The following RIT2 variants were observed in gnomAD, a reference collection of about 807,000 sequenced individuals.
RIT2 encodes GTP-binding protein Rit2.
RIT2 carries 24 observed loss-of-function variants against 23.7 expected under a neutral mutation model. The observed-to-expected ratio is 1.01, with a 90% CI of 0.73 to 1.43. RIT2 has a LOEUF of 1.43. Ranked by LOEUF, RIT2 falls within the 40% of genes most tolerant of loss-of-function variation. RIT2 has a pLI of 0.00. For missense variants in RIT2, 236 were observed against 266.9 expected (o/e 0.88, Z 0.81); for synonymous variants, 107 against 91.1 (o/e 1.17, Z -0.99).
intron 2 of RIT2, among the ~76,000 whole-genome samples, chr18:43,007,565 T>C (rs1432265834): frequency 6.6e-6 from 1 of 151,612 alleles, no homozygotes; most frequent in Non-Finnish European, 1.5e-5. Context: ...TATTTTCATA[T>C]CAGATAAGAA....
intron 2 of RIT2, among the ~76,000 whole-genome samples, chr18:42,991,558 G>A (rs1195878852): frequency 1.3e-5 from 2 of 152,126 alleles, no homozygotes; most frequent in Admixed American, 1.3e-4. Flanking sequence ...GTACAGGGAC[G>A]AGATGGCCGG....
At chr18:42,804,912 T>C (rs964122295) in intron 4 of RIT2, among the ~76,000 whole-genome samples, 3 of 152,188 alleles carry the variant, frequency 2.0e-5, no homozygotes, top group African/African-American at 7.2e-5. Flanking sequence ...TGTGAGGCCA[T>C]TGGAAAGGGA....
chr18:43,113,204 TCA>T (rs1913993283), intron 1 of RIT2, among the ~76,000 whole-genome samples: 1 of 152,190 alleles, frequency 6.6e-6, no homozygotes. Context: ...ATCAGGTAAG[TCA>T]CAGGGGAAAG....
intron 2 of RIT2, among the ~76,000 whole-genome samples, chr18:43,002,859 G>A (rs921165899): frequency 6.6e-6 from 1 of 151,948 alleles, no homozygotes; most frequent in Non-Finnish European, 1.5e-5. Flanking sequence ...ACTCAGCATA[G>A]AGAGATTATT....
intron 4 of RIT2, among the ~76,000 whole-genome samples, chr18:42,799,072 GC>G (rs1905454377): frequency 6.6e-6 from 1 of 152,270 alleles, no homozygotes; most frequent in Admixed American, 6.5e-5. Flanking sequence ...ATTAACTTCA[GC>G]AGTTATCAGG....
At chr18:43,004,778 T>C (rs1241514068) in intron 2 of RIT2, among the ~76,000 whole-genome samples, 4 of 151,912 alleles carry the variant, frequency 2.6e-5, no homozygotes. Context: ...ATTTTCTTTC[T>C]GTAAGATTTT....
At chr18:43,075,232 A>T (rs1310848037) in intron 1 of RIT2, among the ~76,000 whole-genome samples, 1 of 152,190 alleles carries the variant, frequency 6.6e-6, no homozygotes, top group Non-Finnish European at 1.5e-5. Flanking sequence ...TGTTTAAATC[A>T]GCAGCTCTTC....
intron 1 of RIT2, among the ~76,000 whole-genome samples, chr18:43,046,118 C>CAAACCCAGA (rs1912241058): frequency 6.6e-6 from 1 of 151,992 alleles, no homozygotes; most frequent in Non-Finnish European, 1.5e-5. Context: ...AATGATGGGA[C>CAAACCCAGA]AAACCCAGAA....
chr18:42,999,041 T>C (rs1911048577), intron 2 of RIT2, among the ~76,000 whole-genome samples: 1 of 152,014 alleles, frequency 6.6e-6, no homozygotes, highest in Non-Finnish European at 1.5e-5. Context: ...TTTTTATAAC[T>C]AAAGAAGAAA....
At chr18:42,959,243 T>C (rs965044506) in intron 3 of RIT2, among the ~76,000 whole-genome samples, 5 of 152,222 alleles carry the variant, frequency 3.3e-5, no homozygotes, top group Non-Finnish European at 7.3e-5. Context: ...TGAAGTCTTA[T>C]TATTTGACAT....
At chr18:43,034,773 A>T (rs955019517) in intron 1 of RIT2, among the ~76,000 whole-genome samples, 6 of 151,354 alleles carry the variant, frequency 4.0e-5, no homozygotes, top group Non-Finnish European at 5.9e-5. Flanking sequence ...GTTTAGAGAG[A>T]CTCCTCCCCT....
At chr18:42,750,623 A>G (rs1169284374) in intron 4 of RIT2, among the ~76,000 whole-genome samples, 1 of 151,808 alleles carries the variant, frequency 6.6e-6, no homozygotes, top group African/African-American at 2.4e-5. Flanking sequence ...GCTTTGTCAC[A>G]AAAAGTGAGT....
intron 2 of RIT2, among the ~76,000 whole-genome samples, chr18:42,977,282 A>G (rs777326573): frequency 1.3e-4 from 20 of 152,006 alleles, no homozygotes; most frequent in Non-Finnish European, 2.9e-5. Flanking sequence ...TTATCTGTAA[A>G]ACACAGCTGG....
intron 4 of RIT2, among the ~76,000 whole-genome samples, chr18:42,868,207 T>C (rs546078259): frequency 1.3e-5 from 2 of 152,234 alleles, no homozygotes; most frequent in African/African-American, 2.4e-5. Flanking sequence ...ATCACTTTCC[T>C]GTGAATTCAT....
chr18:42,833,534 C>T (rs1269681780), intron 4 of RIT2, among the ~76,000 whole-genome samples: 2 of 152,160 alleles, frequency 1.3e-5, no homozygotes, highest in African/African-American at 2.4e-5. Flanking sequence ...CTACTTTAAT[C>T]TGTACAGCAT....
In RIT2 at chr18:43,110,161, A is replaced by G. The variant is rs1012185218; in HGVS notation, c.103+5256T>C. 2.6e-5 allele frequency among the ~76,000 whole-genome samples: 4 copies of G among 152,242 alleles called. No individual in the cohort carries two copies. The South Asian group carries it at 6.2e-4, about 24-fold the overall frequency. On this transcript the variant is annotated intron_variant, in intron 1 of 4. Coordinates refer to ENST00000326695, the MANE Select transcript of RIT2 (RefSeq NM_002930.4). ...TCTTATTTTGCAAAATATGATCATT[A>G]TGAATCTTAAATTATTTAAATCTTA...
At chr18:43,106,983 A>G (rs1913837790) in intron 1 of RIT2, among the ~76,000 whole-genome samples, 2 of 152,198 alleles carry the variant, frequency 1.3e-5, no homozygotes, top group African/African-American at 4.8e-5. Flanking sequence ...GCAAATAGCC[A>G]GATTCATTGA....
intron 1 of RIT2, among the ~76,000 whole-genome samples, chr18:43,104,900 G>C (rs1197277801): frequency 3.3e-5 from 5 of 152,014 alleles, no homozygotes; most frequent in African/African-American, 1.2e-4. Context: ...TAAATGTTCA[G>C]TGTTGCTACT....
At chr18:43,000,516 A>T (rs965803261) in intron 2 of RIT2, among the ~76,000 whole-genome samples, 2 of 151,986 alleles carry the variant, frequency 1.3e-5, no homozygotes, top group African/African-American at 4.8e-5. Flanking sequence ...TTATGATAAA[A>T]ATGAGAATTT....
Sources: allele counts gnomAD v4.1 joint callset (sites outside exome capture counted in the v4.1 genomes callset), GRCh38; gene constraint gnomAD v4.1.1; transcripts MANE v1.5; gene names NCBI Gene and HGNC (gene_info 2026-07-23, HGNC 2026-07-21).